TNK2: variants seen among roughly 807,000 people sequenced by gnomAD.
TNK2 encodes the protein activated CDC42 kinase 1.
In TNK2, 83 loss-of-function variants were observed where a neutral mutation model predicts 101.8. That is an observed-to-expected ratio of 0.82 (90% CI 0.68 to 0.98). The LOEUF (loss-of-function observed/expected upper bound fraction) is 0.98. Among genes scored for constraint, TNK2 ranks in the 50% least tolerant of loss-of-function variants. TNK2 has a pLI of 0.00. For missense variants in TNK2, 1,665 were observed against 1,483.2 expected (o/e 1.12, Z -2.01); for synonymous variants, 804 against 633.0 (o/e 1.27, Z -4.06).
intron 10 of TNK2, among the ~76,000 whole-genome samples, chr3:195,870,900 G>A (rs185880732): frequency 7.2e-5 from 11 of 152,168 alleles, no homozygotes; most frequent in African/African-American, 2.7e-4. Context: ...TCCAGTGTGT[G>A]TGGGCCCGCT....
chr3:195,888,927 C>T lies in TNK2; in HGVS notation c.-18-321G>A, dbSNP rs969538346. Reference sequence around the variant, plus strand: ...ATTCCTGCTCTAAGTTTCTAGGGGTCGAAAGTCCTTGAAAATCTTTTAAAA... The same window carrying T: ...ATTCCTGCTCTAAGTTTCTAGGGGTTGAAAGTCCTTGAAAATCTTTTAAAA... On this transcript the variant is annotated intron_variant, in intron 1 of 15. Coordinates refer to ENST00000672887, the MANE Select transcript of TNK2 (RefSeq NM_001382273.1). This position sits in a 1 kb window ranked among gnomAD's most constrained non-coding sequence, Gnocchi z 5.3. Among the ~76,000 whole-genome samples, 9 of 152,098 alleles carry T rather than the reference C, an allele frequency of 5.9e-5. No individual in the cohort carries two copies. Among genetic ancestry groups the T allele is most frequent in the African/African-American group, 1.7e-4 (7 of 41,472 alleles).
intron 1 of TNK2, among the ~76,000 whole-genome samples, chr3:195,889,158 C>G (rs892481731): frequency 1.1e-4 from 17 of 151,838 alleles, no homozygotes; most frequent in Admixed American, 1.1e-3. Flanking sequence ...GACCACTCCA[C>G]GGGCCACCAC....
intron 6 of TNK2, among the ~76,000 whole-genome samples, chr3:195,880,918 G>C (rs1268852752): frequency 1.2e-3 from 24 of 20,100 alleles, no homozygotes; most frequent in African/African-American, 7.4e-3. Context: ...ATCTATCCCT[G>C]TAACACCCCC....
At chr3:195,872,607 C>T (rs1459369443) in intron 9 of TNK2, 137 bp from the exon 10 acceptor site, 2 of 904,566 alleles carry the variant, frequency 2.2e-6, no homozygotes, top group East Asian at 5.4e-5. Flanking sequence ...TGCCACCGGC[C>T]CTCCTCCCCA....
At chr3:195,899,077 CAG>C (rs1760947190) in intron 1 of TNK2, among the ~76,000 whole-genome samples, 2 of 152,268 alleles carry the variant, frequency 1.3e-5, no homozygotes, top group South Asian at 4.1e-4. Context: ...GCCTGGGCGA[CAG>C]AGAGACTCCG....
At chr3:195,889,636 C>A (rs867967289) in intron 1 of TNK2, among the ~76,000 whole-genome samples, 3 of 152,246 alleles carry the variant, frequency 2.0e-5, no homozygotes, top group Non-Finnish European at 4.4e-5. Flanking sequence ...CACACGCACA[C>A]ACAGCGTGCT....
chr3:195,892,838 C>T (rs1226396300), intron 1 of TNK2: 2 of 800,476 alleles, frequency 2.5e-6, no homozygotes, highest in Non-Finnish European at 3.2e-6. Flanking sequence ...CTCTCTCCCT[C>T]CCTCCCCAGC....
Position 195,868,529 on chromosome 3 carries a change from T to C in TNK2, c.1769A>G (p.Glu590Gly), listed in dbSNP as rs1313378135. 1.3e-6 allele frequency: 2 copies of C among 1,562,564 alleles called. No individual in the cohort carries two copies. The highest frequency in any genetic ancestry group is 2.3e-5 in the South Asian group (2 of 87,520). Residue 590 changes from glutamate to glycine, a missense_variant, in exon 13 of 16, where the codon GAG becomes GGG. Coordinates refer to ENST00000672887, the MANE Select transcript of TNK2 (RefSeq NM_001382273.1). ...GAEVTLIDFGEEPVVPALRPC... is the reference protein window; with the variant it reads ...GAEVTLIDFGGEPVVPALRPC... ...CCGTAGGGCCGGGACCACGGGCTCC[T>C]CACCGAAGTCGATGAGCGTGACCTC...
chr3:195,874,162 T>A (rs1465053196), intron 9 of TNK2, among the ~76,000 whole-genome samples: 2 of 152,176 alleles, frequency 1.3e-5, no homozygotes, highest in African/African-American at 4.8e-5. Context: ...CGCCGGACTC[T>A]GCTCTCCACA....
At chr3:195,892,484 G>A (rs747231098) in intron 1 of TNK2, 39 of 1,535,472 alleles carry the variant, frequency 2.5e-5, no homozygotes, top group African/African-American at 8.2e-5. Flanking sequence ...ACGTGCTGCC[G>A]GCATCTCCAC....
intron 12 of TNK2, 60 bp downstream of exon 12, chr3:195,869,437 G>C: frequency 2.0e-6 from 3 of 1,512,558 alleles, no homozygotes; most frequent in African/African-American, 1.4e-5. Context: ...CCTTCCAGGA[G>C]AGGAGTGAGA....
chr3:195,903,662 T>A (rs11719343), intron 1 of TNK2, among the ~76,000 whole-genome samples: 21,604 of 151,866 alleles, frequency 0.14, 2,138 homozygotes, highest in East Asian at 0.39. Flanking sequence ...GGTTGCAGTG[T>A]GCCAAGATTG....
intron 9 of TNK2, among the ~76,000 whole-genome samples, chr3:195,877,944 C>T (rs73205793): frequency 3.4e-3 from 516 of 152,194 alleles, no homozygotes; most frequent in Non-Finnish European, 5.3e-3. Context: ...GGAGGAAGCA[C>T]GGGAGTCCAG....
In TNK2 at chr3:195,878,199, C is replaced by G. The variant is rs564463768; in HGVS notation, c.1256+54G>C. 6.4e-7 allele frequency: 1 copy of G among 1,569,388 alleles called. No homozygotes were observed. The highest frequency in any genetic ancestry group is 8.8e-7 in the Non-Finnish European group (1 of 1,139,748). ...AAACAGATCTGTCCACAGGTCCCTC[C>G]GACCTGTGCCCTTCAAGCGATCCCA... On this transcript the variant is annotated intron_variant, in intron 9 of 15. Transcript: ENST00000672887. The surrounding 1 kb of genome is among the most constrained non-coding windows in gnomAD (Gnocchi z 4.7).
At chr3:195,871,465 C>G (rs1003065241) in intron 10 of TNK2, among the ~76,000 whole-genome samples, 1 of 152,112 alleles carries the variant, frequency 6.6e-6, no homozygotes, top group Non-Finnish European at 1.5e-5. Context: ...AGCAGGTTCA[C>G]GTCTCCAGGA....
At chr3:195,898,573 T>C (rs1430750819) in intron 1 of TNK2, among the ~76,000 whole-genome samples, 2 of 152,106 alleles carry the variant, frequency 1.3e-5, no homozygotes, top group African/African-American at 4.8e-5. Flanking sequence ...AATGTCTCTA[T>C]GTCCCAGCCA....
intron 1 of TNK2, chr3:195,895,498 C>T (rs2149804767): frequency 1.5e-6 from 2 of 1,355,842 alleles, no homozygotes; most frequent in East Asian, 3.1e-5. Flanking sequence ...TGGTCGCGCC[C>T]CTCCTCCTGC....
At chr3:195,872,217 T>C in intron 10 of TNK2, 59 bp downstream of exon 10, 1 of 1,593,198 alleles carries the variant, frequency 6.3e-7, no homozygotes, top group Non-Finnish European at 8.6e-7. Context: ...CGTGCCGTGC[T>C]GAGGGCCCTG....
chr3:195,887,633 G>C lies in TNK2; in HGVS notation c.164-586C>G, dbSNP rs569825509. Among the ~76,000 whole-genome samples the C allele has an allele frequency of 6.2e-4, 94 of 152,288 alleles. 1 individual carries two copies. Among genetic ancestry groups the C allele is most frequent in the African/African-American group, 2.1e-3 (89 of 41,556 alleles). ...TTGAAAGCCCTAATACGTTTCTAAT[G>C]TTCTATGAAGAACATCATGACTTTT... is the stretch of plus-strand genomic sequence containing the variant. On this transcript the variant is annotated intron_variant, in intron 2 of 15. Coordinates refer to ENST00000672887, the MANE Select transcript of TNK2 (RefSeq NM_001382273.1).
Sources: gnomAD v4.1 joint callset for allele counts (sites outside exome capture counted in the v4.1 genomes callset) on GRCh38, gnomAD v4.1.1 for gene constraint, Gnocchi (gnomAD v3.1) non-coding constraint, MANE v1.5 for transcripts, NCBI Gene and HGNC (gene_info 2026-07-23, HGNC 2026-07-21) for gene names.